Variants in MXRA8 observed in about 807,000 individuals in gnomAD.
The protein encoded by MXRA8 is matrix remodeling-associated protein 8.
In MXRA8, 44 loss-of-function variants were observed where a neutral mutation model predicts 51.4. The ratio of observed to expected loss-of-function variants is 0.86; its 90% CI spans 0.67 to 1.10. The LOEUF (loss-of-function observed/expected upper bound fraction) is 1.10. Ranked by LOEUF, MXRA8 falls within the 50% of genes least tolerant of loss-of-function variation. MXRA8 has a pLI of 0.00. For synonymous variants in MXRA8, 369 were observed against 293.5 expected (o/e 1.26, Z -2.63); for missense variants, 765 against 638.9 (o/e 1.20, Z -2.13).
In MXRA8 at chr1:1,353,282, G is replaced by C; in HGVS notation, c.*322C>G. On this transcript the variant is annotated 3_prime_UTR_variant, in exon 10 of 10. Transcript: ENST00000309212. ...TTGGGGCTGCCAGGTTCTGATGGGA[G>C]TGTCCTCCAGGAATGTCTTCAGGCC... 2 of 1,544,170 alleles carry C rather than the reference G, an allele frequency of 1.3e-6. No individual in the cohort carries two copies. The highest frequency in any genetic ancestry group is 8.8e-7 in the Non-Finnish European group (1 of 1,141,398).
intron 2 of MXRA8, 67 bp from the exon 3 acceptor site, chr1:1,355,819 T>G (rs1310405254): frequency 2.8e-3 from 126 of 44,340 alleles, no homozygotes; most frequent in South Asian, 6.5e-3. Context: ...GGGGAGTCAG[T>G]GGGGGAGGGG....
Position 1,354,993 on chromosome 1 carries a change from C to T in MXRA8, c.638G>A (p.Gly213Glu). Residue 213 changes from glycine (G) to glutamate (E), a missense_variant, in exon 5 of 10, where the codon GGG (glycine) becomes GAG (glutamate). Coordinates refer to ENST00000309212, the MANE Select transcript of MXRA8 (RefSeq NM_032348.4). ...QVVHWDRQPP[G>E]VPHDRADRLL... is the part of the protein sequence containing the mutation. Reference sequence around the variant, plus strand: ...GCGGTCCGCGCGGTCGTGCGGGACCCCGGGCGGCTGCCGGTCCCAGTGCAC... The same window carrying T: ...GCGGTCCGCGCGGTCGTGCGGGACCTCGGGCGGCTGCCGGTCCCAGTGCAC... The T allele has an allele frequency of 1.3e-6, 2 of 1,599,630 alleles. No individual in the cohort carries two copies. Among genetic ancestry groups the T allele is most frequent in the Non-Finnish European group, 1.7e-6 (2 of 1,174,464 alleles).
At chr1:1,355,410 C>T (rs909104211) in intron 3 of MXRA8, 40 bp downstream of exon 3, 3 of 1,492,078 alleles carry the variant, frequency 2.0e-6, no homozygotes, top group Admixed American at 2.4e-5. Flanking sequence ...GCCCCGGACC[C>T]CTGCCCCGAC....
At chr1:1,361,436 GTC>G, upstream of MXRA8, 1 of 644,348 alleles carries the variant, frequency 1.6e-6, no homozygotes, top group Non-Finnish European at 2.8e-6. Flanking sequence ...TGAGACAGGG[GTC>G]GGGGGGCGCC....
intron 8 of MXRA8, 31 bp from the exon 9 acceptor site, chr1:1,353,959 C>T (rs765015683): frequency 1.2e-6 from 2 of 1,602,526 alleles, no homozygotes; most frequent in South Asian, 1.1e-5. Flanking sequence ...GAGGTCCCCG[C>T]TCCCAGGATG....
At chr1:1,361,163 AACAC>A (rs113960113), upstream of MXRA8, 26,081 of 701,618 alleles carry the variant, frequency 0.037, 4,515 homozygotes, top group African/African-American at 0.4. Context: ...CGGAAACACA[AACAC>A]ACAGACACAG....
upstream of MXRA8, chr1:1,358,620 TGTCTACG>T (rs2100822128): frequency 6.9e-7 from 1 of 1,458,284 alleles, no homozygotes; most frequent in South Asian, 1.4e-5. Flanking sequence ...GGCCTGGGCC[TGTCTACG>T]GTCTGGGGAC....
chr1:1,361,539 G>T (rs1474857200), upstream of MXRA8: 3 of 524,966 alleles, frequency 5.7e-6, no homozygotes, highest in Non-Finnish European at 1.0e-5. Context: ...GCTTCCAGGC[G>T]CAGCCAGTGG....
chr1:1,355,433 G>C lies in MXRA8; in HGVS notation c.376+17C>G. 1 of 1,484,564 alleles carries C rather than the reference G, an allele frequency of 6.7e-7. No individual in the cohort carries two copies. The highest frequency in any genetic ancestry group is 8.9e-7 in the Non-Finnish European group (1 of 1,126,086). 92.0% of individuals were successfully genotyped at this position (1,484,564 alleles called of 1,614,324 possible). A position where few individuals can be genotyped will look rare whatever the true frequency, so the allele number is the denominator to read the frequency against. ...CCCCTGCCCCGACCCCGCGGCCCCG[G>C]TCCCCGGTCCCCGCACCGCGGATGA... On this transcript the variant is annotated intron_variant, in intron 3 of 9. Coordinates refer to ENST00000309212, the MANE Select transcript of MXRA8 (RefSeq NM_032348.4).
Position 1,354,333 on chromosome 1 carries a change from G to A in MXRA8, c.1105+21C>T, listed in dbSNP as rs756657973. 14 of 1,604,902 alleles carry A rather than the reference G, an allele frequency of 8.7e-6. No homozygotes were observed. The South Asian group carries it at 1.3e-4, about 15-fold the overall frequency. ...CCACCTCAGTCTCCTGGGGCCGCTG[G>A]CTTTGCCGGGGCAGCCTCACCTCCG... On this transcript the variant is annotated intron_variant, in intron 6 of 9. Transcript: ENST00000309212.
At chr1:1,353,715 T>C in intron 9 of MXRA8, 86 bp from the exon 10 acceptor site, 1 of 1,474,034 alleles carries the variant, frequency 6.8e-7, no homozygotes, top group Non-Finnish European at 9.2e-7. Context: ...CCCGCAGGAC[T>C]CCCCAGGGAT....
chr1:1,354,658 G>T, intron 5 of MXRA8, 24 bp downstream of exon 5: 1 of 1,543,926 alleles, frequency 6.5e-7, no homozygotes. Flanking sequence ...CCGCCTTCCC[G>T]GGTCCCAGGG....
rs1644044980 is a variant in MXRA8, at chr1:1,353,515, G to A, written c.*89C>T. 3 of 1,515,208 alleles carry A rather than the reference G, an allele frequency of 2.0e-6. No individual in the cohort carries two copies. The highest frequency in any genetic ancestry group is 2.7e-6 in the Non-Finnish European group (3 of 1,129,970). 93.9% of individuals were successfully genotyped at this position (1,515,208 alleles called of 1,614,324 possible). On this transcript the variant is annotated 3_prime_UTR_variant, in exon 10 of 10. Coordinates refer to ENST00000309212, the MANE Select transcript of MXRA8 (RefSeq NM_032348.4). The stretch of plus-strand genomic sequence containing the variant: ...GAAAGCGGGACCAGCCGCTGGAAGG[G>A]GGGTGAGCCCCGGAGCATCAGGAGA...
At chr1:1,361,587 C>T (rs1644223570), upstream of MXRA8, 1 of 458,502 alleles carries the variant, frequency 2.2e-6, no homozygotes, top group African/African-American at 2.0e-5. Flanking sequence ...GCCAGGGACC[C>T]TGTGTGTGTG....
intron 9 of MXRA8, 23 bp from the exon 10 acceptor site, chr1:1,353,652 G>T: frequency 6.4e-7 from 1 of 1,558,626 alleles, no homozygotes; most frequent in Non-Finnish European, 8.7e-7. Context: ...GGCGCCAACG[G>T]GTTGGCGGCT....
Position 1,354,750 on chromosome 1 carries a change from G to A in MXRA8, c.881C>T (p.Pro294Leu), listed in dbSNP as rs1025419929. 5 of 1,610,750 alleles carry A rather than the reference G, an allele frequency of 3.1e-6. No homozygotes were observed. The highest frequency in any genetic ancestry group is 1.3e-5 in the African/African-American group (1 of 74,864). Residue 294 changes from proline (P) to leucine (L), a missense_variant, in exon 5 of 10, where the codon CCC becomes CTC. Coordinates refer to ENST00000309212, the MANE Select transcript of MXRA8 (RefSeq NM_032348.4). Reference protein sequence around the residue: ...RRVFHLTVAEPHAEPPPRGSP... With the variant: ...RRVFHLTVAELHAEPPPRGSP... ...GCCCCGGGGGGGCGGCTCCGCGTGG[G>A]GTTCGGCGACCGTCAGGTGGAAGAC... is the stretch of plus-strand genomic sequence containing the variant.
chr1:1,359,809 C>G (rs187622507), upstream of MXRA8, among the ~76,000 whole-genome samples: 277 of 152,344 alleles, frequency 1.8e-3, 1 homozygote, highest in African/African-American at 6.3e-3. Context: ...CTGAACACAT[C>G]CCGCCACCCC....
chr1:1,356,817 C>A, intron 1 of MXRA8, 113 bp from the exon 2 acceptor site: 1 of 950,198 alleles, frequency 1.1e-6, no homozygotes. Context: ...GCTGTGACAC[C>A]CACTTCAGTG....
chr1:1,359,733 C>T (rs993277432), upstream of MXRA8, among the ~76,000 whole-genome samples: 1 of 152,242 alleles, frequency 6.6e-6, no homozygotes, highest in Non-Finnish European at 1.5e-5. Context: ...CACCCCAGCC[C>T]GGTCAGACCC....
Sources: allele counts gnomAD v4.1 joint callset (sites outside exome capture counted in the v4.1 genomes callset), GRCh38; gene constraint gnomAD v4.1.1; transcripts MANE v1.5; gene names NCBI Gene and HGNC (gene_info 2026-07-23, HGNC 2026-07-21).